The following PTPRM variants were observed in gnomAD, a reference collection of about 807,000 sequenced individuals.
PTPRM encodes the protein receptor-type tyrosine-protein phosphatase mu.
In PTPRM, 47 loss-of-function variants were observed where a neutral mutation model predicts 186.7. That is an observed-to-expected ratio of 0.25 (90% CI 0.20 to 0.32). The LOEUF is 0.32. Among genes scored for constraint, PTPRM ranks in the 10% least tolerant of loss-of-function variants. PTPRM has a pLI of 1.00. For missense variants in PTPRM, 1,494 were observed against 1,865.0 expected (o/e 0.80, Z 3.66); for synonymous variants, 668 against 674.9 (o/e 0.99, Z 0.16).
At chr18:8,158,986 T>G (rs773427989) in intron 14 of PTPRM, among the ~76,000 whole-genome samples, 44 of 152,138 alleles carry the variant, frequency 2.9e-4, no homozygotes, top group Admixed American at 5.9e-4. Context: ...ACATGAGATG[T>G]GGGGGACAAA....
chr18:7,996,660 C>T (rs1488783588), intron 7 of PTPRM, among the ~76,000 whole-genome samples: 1 of 151,942 alleles, frequency 6.6e-6, no homozygotes, highest in African/African-American at 2.4e-5. Context: ...TATTAAAAAG[C>T]TATTAGAACA....
chr18:7,763,738 T>C (rs2041890505), intron 1 of PTPRM, among the ~76,000 whole-genome samples: 1 of 152,218 alleles, frequency 6.6e-6, no homozygotes. Context: ...GTACATTTAG[T>C]TGAGTTTAGG....
At chr18:8,153,300 C>A (rs2093052259) in intron 14 of PTPRM, among the ~76,000 whole-genome samples, 1 of 152,160 alleles carries the variant, frequency 6.6e-6, no homozygotes, top group Non-Finnish European at 1.5e-5. Context: ...GTCAACTAAT[C>A]CTCCAAGGGT....
intron 22 of PTPRM, among the ~76,000 whole-genome samples, chr18:8,340,181 A>T (rs2095466432): frequency 6.6e-6 from 1 of 152,324 alleles, no homozygotes; most frequent in Admixed American, 6.5e-5. Context: ...CCGCGCCTGC[A>T]GGAGAGCGGA....
intron 1 of PTPRM, among the ~76,000 whole-genome samples, chr18:7,678,455 A>C (rs911741705): frequency 6.6e-6 from 1 of 152,166 alleles, no homozygotes; most frequent in Non-Finnish European, 1.5e-5. Flanking sequence ...CACTGAGAGG[A>C]GTGACTCTGG....
At chr18:8,217,095 A>G (rs904026100) in intron 14 of PTPRM, among the ~76,000 whole-genome samples, 1 of 152,192 alleles carries the variant, frequency 6.6e-6, no homozygotes. Context: ...ATTTACACAT[A>G]CTTTCTTCTG....
intron 2 of PTPRM, among the ~76,000 whole-genome samples, chr18:7,834,556 A>T (rs1228552014): frequency 8.8e-6 from 1 of 112,996 alleles, no homozygotes; most frequent in African/African-American, 3.2e-5. Flanking sequence ...TCAGGTCAGT[A>T]TGACCCTGTT....
chr18:8,230,314 G>A (rs897699339), intron 14 of PTPRM, among the ~76,000 whole-genome samples: 1 of 152,206 alleles, frequency 6.6e-6, no homozygotes, highest in African/African-American at 2.4e-5. Context: ...TGTCTCTAGA[G>A]TGGGCTTCTT....
intron 19 of PTPRM, among the ~76,000 whole-genome samples, chr18:8,257,979 T>C (rs539901381): frequency 6.6e-6 from 1 of 152,118 alleles, no homozygotes. Context: ...TCAGTGCAGG[T>C]TTTTTATTTG....
intron 1 of PTPRM, among the ~76,000 whole-genome samples, chr18:7,633,844 A>G (rs1286784677): frequency 1.3e-5 from 2 of 152,060 alleles, no homozygotes; most frequent in East Asian, 3.9e-4. Context: ...CCTTCACAGT[A>G]TTTCCAACCA....
rs201850210 is a variant in PTPRM, at chr18:8,243,428, CA to C, written c.2301-629del. 1.1e-4 allele frequency among the ~76,000 whole-genome samples: 17 copies of C among 152,296 alleles called. No individual in the cohort carries two copies. The East Asian group carries it at 3.3e-3, about 29-fold the overall frequency. Reference sequence around the variant, plus strand: ...ATCTGGGTTCATTTGGGATTTGGGACAGGGTCATAGCCTTTTGAGAATTCAG... The same window carrying C: ...ATCTGGGTTCATTTGGGATTTGGGACGGGTCATAGCCTTTTGAGAATTCAG... On this transcript the variant is annotated intron_variant, in intron 14 of 32. Transcript: ENST00000580170.
intron 11 of PTPRM, among the ~76,000 whole-genome samples, chr18:8,091,136 A>G (rs1163537756): frequency 6.6e-6 from 1 of 152,124 alleles, no homozygotes. Flanking sequence ...TCTTACATCT[A>G]TAAAAATACA....
At chr18:8,308,231 T>G (rs2095241330) in intron 20 of PTPRM, among the ~76,000 whole-genome samples, 1 of 152,140 alleles carries the variant, frequency 6.6e-6, no homozygotes, top group Non-Finnish European at 1.5e-5. Context: ...GTGGCAGGCT[T>G]TTGTAGGCCA....
At chr18:7,966,953 C>A (rs1166238311) in intron 7 of PTPRM, among the ~76,000 whole-genome samples, 1 of 122,520 alleles carries the variant, frequency 8.2e-6, no homozygotes, top group African/African-American at 2.6e-5. Context: ...TGGAGCCCAC[C>A]ACAGCTCTAG....
chr18:7,787,385 C>T (rs1433477059), intron 2 of PTPRM, among the ~76,000 whole-genome samples: 1 of 152,216 alleles, frequency 6.6e-6, no homozygotes, highest in Non-Finnish European at 1.5e-5. Context: ...CCAGCTTTCA[C>T]CTGCTAGAAA....
In PTPRM at chr18:8,174,347, C is replaced by T. The variant is rs533187197; in HGVS notation, c.2300+30568C>T. On this transcript the variant is annotated intron_variant, in intron 14 of 32. Coordinates refer to ENST00000580170, the MANE Select transcript of PTPRM (RefSeq NM_001105244.2). ...TCTAGGAATAATTAAGGACAGTTTACAGCTTAAAGGCAATATGGGGGTTGG... is the reference window on the plus strand; with the variant it reads ...TCTAGGAATAATTAAGGACAGTTTATAGCTTAAAGGCAATATGGGGGTTGG... Among the ~76,000 whole-genome samples the T allele has an allele frequency of 3.9e-5, 6 of 152,300 alleles. No individual in the cohort carries two copies. In the South Asian group the frequency reaches 1.0e-3, roughly 26 times the overall value.
chr18:7,987,266 T>G (rs1262166214), intron 7 of PTPRM, among the ~76,000 whole-genome samples: 1 of 152,196 alleles, frequency 6.6e-6, no homozygotes, highest in Non-Finnish European at 1.5e-5. Flanking sequence ...TTAAATATTG[T>G]TTTAGAAGAA....
intron 2 of PTPRM, among the ~76,000 whole-genome samples, chr18:7,818,382 G>A (rs2044970341): frequency 6.6e-6 from 1 of 152,056 alleles, no homozygotes; most frequent in Non-Finnish European, 1.5e-5. Context: ...CCATCCTAGG[G>A]TAAGATTAAT....
intron 6 of PTPRM, among the ~76,000 whole-genome samples, chr18:7,953,820 C>T (rs879392097): frequency 3.3e-5 from 5 of 152,130 alleles, no homozygotes; most frequent in African/African-American, 1.2e-4. Flanking sequence ...CTATGTCTGC[C>T]ATGCAAGAGG....
Sources: gnomAD v4.1 joint callset for allele counts (sites outside exome capture counted in the v4.1 genomes callset) on GRCh38, gnomAD v4.1.1 for gene constraint, MANE v1.5 for transcripts, NCBI Gene and HGNC (gene_info 2026-07-23, HGNC 2026-07-21) for gene names.